Variants in INPP5A observed in about 807,000 individuals in gnomAD.
The protein encoded by INPP5A is inositol polyphosphate-5-phosphatase A.
Under a neutral mutation model 65.2 loss-of-function variants are expected in INPP5A, and 14 were observed. That is an observed-to-expected ratio of 0.21 (90% CI 0.14 to 0.34). INPP5A has a LOEUF of 0.34. Among genes scored for constraint, INPP5A ranks in the 10% least tolerant of loss-of-function variants. The pLI, the probability that INPP5A is intolerant of heterozygous loss-of-function variation, is 1.00. For synonymous variants in INPP5A, 207 were observed against 208.3 expected (o/e 0.99, Z 0.05); for missense variants, 431 against 545.6 (o/e 0.79, Z 2.09).
At chr10:132,747,615 C>A (rs1156952751) in intron 9 of INPP5A, among the ~76,000 whole-genome samples, 1 of 152,392 alleles carries the variant, frequency 6.6e-6, no homozygotes, top group African/African-American at 2.4e-5. Context: ...CGAGCCCCGG[C>A]CAGCGCCCGG....
chr10:132,683,282 C>T (rs897523167), intron 4 of INPP5A, among the ~76,000 whole-genome samples: 2 of 144,496 alleles, frequency 1.4e-5, no homozygotes, highest in Non-Finnish European at 1.5e-5. Context: ...ACGTTTAATC[C>T]ACGTGCACAC....
At chr10:132,700,069 C>T (rs1845412375) in intron 6 of INPP5A, among the ~76,000 whole-genome samples, 1 of 152,198 alleles carries the variant, frequency 6.6e-6, no homozygotes, top group African/African-American at 2.4e-5. Flanking sequence ...CGAGGGGCCG[C>T]CCCTCCCCCA....
At chr10:132,577,860 A>G (rs1323497016) in intron 1 of INPP5A, among the ~76,000 whole-genome samples, 2 of 152,192 alleles carry the variant, frequency 1.3e-5, no homozygotes, top group Non-Finnish European at 2.9e-5. Flanking sequence ...GTTACTCGGC[A>G]GCCGTCAGAC....
intron 5 of INPP5A, among the ~76,000 whole-genome samples, chr10:132,692,873 G>A (rs536914932): frequency 1.3e-5 from 2 of 152,156 alleles, no homozygotes; most frequent in South Asian, 2.1e-4. Flanking sequence ...CATTAGAGAG[G>A]GAATAAGTGA....
At chr10:132,647,807 C>G (rs2072518735) in intron 3 of INPP5A, among the ~76,000 whole-genome samples, 1 of 152,166 alleles carries the variant, frequency 6.6e-6, no homozygotes, top group African/African-American at 2.4e-5. Context: ...CCACTTCTCA[C>G]TCACCCTACA....
chr10:132,679,698 C>A (rs1470377188), intron 4 of INPP5A, among the ~76,000 whole-genome samples: 1 of 152,178 alleles, frequency 6.6e-6, no homozygotes, highest in African/African-American at 2.4e-5. Flanking sequence ...CAAAATGAGA[C>A]AGGAAAATGG....
intron 12 of INPP5A, among the ~76,000 whole-genome samples, chr10:132,769,987 A>G (rs2134680978): frequency 6.6e-6 from 1 of 152,360 alleles, no homozygotes; most frequent in Middle Eastern, 3.4e-3. Context: ...AAGAGATTTA[A>G]GATGGCTCCT....
At position 132,555,454 on chromosome 10, in the gene INPP5A, G is replaced by A. The variant is rs990580301; in HGVS notation, c.75+17283G>A. 7.2e-5 allele frequency among the ~76,000 whole-genome samples: 11 copies of A among 152,188 alleles called. No individual in the cohort carries two copies. Among genetic ancestry groups the A allele is most frequent in the African/African-American group, 2.2e-4 (9 of 41,518 alleles). On this transcript the variant is annotated intron_variant, in intron 1 of 15. Coordinates refer to ENST00000368594, the MANE Select transcript of INPP5A (RefSeq NM_005539.5). This position sits in a 1 kb window ranked among gnomAD's most constrained non-coding sequence, Gnocchi z 4.4. ...GAAGAAGGGGGGCTTGGGCTGGGGCGTGGCCACGCTGGGAGGATGAGGAGC... is the reference window on the plus strand; with the variant it reads ...GAAGAAGGGGGGCTTGGGCTGGGGCATGGCCACGCTGGGAGGATGAGGAGC...
chr10:132,657,771 T>G (rs1162616808), intron 4 of INPP5A, among the ~76,000 whole-genome samples: 1 of 152,280 alleles, frequency 6.6e-6, no homozygotes, highest in Non-Finnish European at 1.5e-5. Flanking sequence ...AACGCGTTTA[T>G]GATGAGGAAG....
At position 132,704,127 on chromosome 10, in the gene INPP5A, C is replaced by G. The variant is rs371795339; in HGVS notation, c.475-4186C>G. On this transcript the variant is annotated intron_variant, in intron 6 of 15. Transcript: ENST00000368594. The surrounding 1 kb of genome is among the most constrained non-coding windows in gnomAD (Gnocchi z 4.5). ...GGTTCCCAAAGCATGTCAGGCCCCC[C>G]AGTCCCCCCAGACAGGAGGTGTCGA... Among the ~76,000 whole-genome samples, 2 of 152,006 alleles carry G rather than the reference C, an allele frequency of 1.3e-5. No individual in the cohort carries two copies. The highest frequency in any genetic ancestry group is 4.2e-4 in the South Asian group (2 of 4,816).
chr10:132,573,575 T>A (rs1186348634), intron 1 of INPP5A, among the ~76,000 whole-genome samples: 6 of 135,386 alleles, frequency 4.4e-5, no homozygotes, highest in Non-Finnish European at 6.2e-5. Flanking sequence ...TTTGTTGAGA[T>A]GTTGGGGTGT....
intron 7 of INPP5A, among the ~76,000 whole-genome samples, chr10:132,708,684 C>G (rs551319669): frequency 1.3e-5 from 2 of 152,362 alleles, no homozygotes; most frequent in East Asian, 3.9e-4. Context: ...GGGAGGCCCC[C>G]TAGTACTGGG....
chr10:132,544,267 C>T (rs374598767), intron 1 of INPP5A, among the ~76,000 whole-genome samples: 2 of 152,350 alleles, frequency 1.3e-5, no homozygotes, highest in East Asian at 1.9e-4. Flanking sequence ...CCTGCTCTGC[C>T]GCTCCGGCCA....
intron 9 of INPP5A, among the ~76,000 whole-genome samples, chr10:132,738,357 CA>C (rs1391031231): frequency 2.6e-5 from 4 of 152,334 alleles, no homozygotes; most frequent in Admixed American, 1.3e-4. Flanking sequence ...GACAAGCATA[CA>C]GGGGACCCTG....
intron 12 of INPP5A, among the ~76,000 whole-genome samples, chr10:132,776,911 G>A (rs1197374669): frequency 2.6e-5 from 4 of 152,198 alleles, no homozygotes; most frequent in Non-Finnish European, 5.9e-5. Flanking sequence ...GAGGGCGGGG[G>A]CCAATGGCTC....
chr10:132,761,618 G>A (rs926127741), intron 11 of INPP5A, among the ~76,000 whole-genome samples: 1 of 152,188 alleles, frequency 6.6e-6, no homozygotes, highest in African/African-American at 2.4e-5. Context: ...GAGGCTTGCT[G>A]AGAAGAGCCA....
At chr10:132,662,887 G>C (rs973256898) in intron 4 of INPP5A, among the ~76,000 whole-genome samples, 2 of 152,204 alleles carry the variant, frequency 1.3e-5, no homozygotes, top group African/African-American at 4.8e-5. Context: ...CCTAATTGTG[G>C]TGATGGTTTC....
chr10:132,689,439 G>T (rs1179628091), intron 4 of INPP5A, among the ~76,000 whole-genome samples: 1 of 152,202 alleles, frequency 6.6e-6, no homozygotes, highest in East Asian at 1.9e-4. Flanking sequence ...TCTCCTATGA[G>T]ATAGGTTTGT....
intron 1 of INPP5A, among the ~76,000 whole-genome samples, chr10:132,591,380 T>C (rs1356174457): frequency 6.6e-6 from 1 of 152,202 alleles, no homozygotes; most frequent in Non-Finnish European, 1.5e-5. Context: ...GCTGGCAGGC[T>C]GTGGGACAGG....
Sources: allele counts gnomAD v4.1 joint callset (sites outside exome capture counted in the v4.1 genomes callset), GRCh38; gene constraint gnomAD v4.1.1; non-coding constraint Gnocchi (gnomAD v3.1); transcripts MANE v1.5; gene names NCBI Gene and HGNC (gene_info 2026-07-23, HGNC 2026-07-21).